The following LRRC4C variants were observed in gnomAD, a reference collection of about 807,000 sequenced individuals.
LRRC4C encodes the protein leucine rich repeat containing 4C, also known as leucine-rich repeat-containing protein 4C.
LRRC4C carries 5 observed loss-of-function variants against 33.6 expected under a neutral mutation model. That is an observed-to-expected ratio of 0.15 (90% CI 0.08 to 0.31). The LOEUF is 0.31. Among genes scored for constraint, LRRC4C ranks in the 10% least tolerant of loss-of-function variants. The pLI is 1.00. For missense variants in LRRC4C, 560 were observed against 796.7 expected (o/e 0.70, Z 3.58); for synonymous variants, 329 against 302.0 (o/e 1.09, Z -0.93).
intron 1 of LRRC4C, among the ~76,000 whole-genome samples, chr11:41,160,812 A>G (rs1386774991): frequency 6.6e-6 from 1 of 152,204 alleles, no homozygotes; most frequent in African/African-American, 2.4e-5. Context: ...ATGAAAACCC[A>G]GAGAAGGAAA....
At chr11:40,404,973 T>C (rs141634581) in intron 3 of LRRC4C, among the ~76,000 whole-genome samples, 8 of 152,128 alleles carry the variant, frequency 5.3e-5, no homozygotes, top group African/African-American at 7.2e-5. Context: ...AAGCCACCCA[T>C]TTAGCAAAAA....
intron 3 of LRRC4C, among the ~76,000 whole-genome samples, chr11:40,448,017 A>T (rs1045587828): frequency 6.6e-6 from 1 of 151,998 alleles, no homozygotes; most frequent in Non-Finnish European, 1.5e-5. Context: ...GGGTTTCACC[A>T]TGTTGGCCAA....
At chr11:41,184,245 C>A (rs1324134879) in intron 1 of LRRC4C, among the ~76,000 whole-genome samples, 1 of 150,928 alleles carries the variant, frequency 6.6e-6, no homozygotes, top group African/African-American at 2.5e-5. Flanking sequence ...AATTTCTCTT[C>A]AGAAAATGCG....
At chr11:40,238,923 C>A (rs560431997) in intron 5 of LRRC4C, among the ~76,000 whole-genome samples, 4 of 152,226 alleles carry the variant, frequency 2.6e-5, no homozygotes, top group African/African-American at 7.2e-5. Context: ...AAAAACACTG[C>A]CTTAAAATGT....
chr11:41,240,968 C>T (rs1217358910), intron 1 of LRRC4C, among the ~76,000 whole-genome samples: 1 of 152,164 alleles, frequency 6.6e-6, no homozygotes, highest in Admixed American at 6.5e-5. Context: ...CACCATTTTA[C>T]TGTGGAAAGA....
chr11:40,433,643 G>C (rs959411095), intron 3 of LRRC4C, among the ~76,000 whole-genome samples: 1 of 152,196 alleles, frequency 6.6e-6, no homozygotes, highest in Admixed American at 6.5e-5. Context: ...TATACTGCAG[G>C]AGAGAGAACA....
chr11:41,006,889 C>A (rs1449113113), intron 1 of LRRC4C, among the ~76,000 whole-genome samples: 5 of 152,044 alleles, frequency 3.3e-5, no homozygotes, highest in Non-Finnish European at 5.9e-5. Flanking sequence ...TCATAGATTT[C>A]TTCTTAAAGA....
chr11:41,233,766 CTA>C (rs1947904009), intron 1 of LRRC4C, among the ~76,000 whole-genome samples: 1 of 151,944 alleles, frequency 6.6e-6, no homozygotes, highest in Non-Finnish European at 1.5e-5. Flanking sequence ...TCATATATTT[CTA>C]TGACTTTTTC....
chr11:41,402,447 A>T (rs1030779868), intron 1 of LRRC4C, among the ~76,000 whole-genome samples: 1 of 152,092 alleles, frequency 6.6e-6, no homozygotes, highest in African/African-American at 2.4e-5. Flanking sequence ...GTCCATTGAT[A>T]AAAGTATTCC....
In LRRC4C at chr11:40,538,681, G is replaced by C. The variant is rs72883494; in HGVS notation, c.-270+109461C>G. On this transcript the variant is annotated intron_variant, in intron 3 of 6. Coordinates refer to ENST00000528697, the MANE Select transcript of LRRC4C (RefSeq NM_001258419.2). ...ATAGCTGGGTCAAATAGTATTTCTA[G>C]TTACTCTAGTATTTCTAGATCCTTG... 3.5e-3 allele frequency among the ~76,000 whole-genome samples: 540 copies of C among 152,208 alleles called. 2 individuals carry two copies. Among genetic ancestry groups the C allele is most frequent in the Non-Finnish European group, 6.0e-3 (406 of 68,002 alleles).
rs1435212533 is a variant in LRRC4C, at chr11:40,696,300, G to GA, written c.-406-48023_-406-48022insT. Among the ~76,000 whole-genome samples, 542 of 91,936 alleles carry GA rather than the reference G, an allele frequency of 5.9e-3. 8 individuals carry two copies. The highest frequency in any genetic ancestry group is 0.045 in the African/African-American group (519 of 11,440). The allele number at this position is 91,936 out of a possible 152,430, so 60.3% of individuals were successfully genotyped here. ...ATGCCACATATATATATATATATAT[G>GA]GTATATATATATGTGGTATATATAT... On this transcript the variant is annotated intron_variant, in intron 2 of 6. Coordinates refer to ENST00000528697, the MANE Select transcript of LRRC4C (RefSeq NM_001258419.2).
chr11:40,781,524 C>A (rs1283567284), intron 2 of LRRC4C, among the ~76,000 whole-genome samples: 1 of 152,076 alleles, frequency 6.6e-6, no homozygotes, highest in African/African-American at 2.4e-5. Flanking sequence ...GGAAGCTTTC[C>A]AAATACTATG....
intron 2 of LRRC4C, among the ~76,000 whole-genome samples, chr11:40,719,423 T>C (rs901221969): frequency 1.3e-5 from 2 of 152,136 alleles, no homozygotes; most frequent in African/African-American, 2.4e-5. Flanking sequence ...AAAATTACTA[T>C]TTTTCCAAGC....
intron 1 of LRRC4C, among the ~76,000 whole-genome samples, chr11:41,406,108 A>C (rs552647513): frequency 1.7e-3 from 260 of 152,256 alleles, no homozygotes; most frequent in South Asian, 2.9e-3. Context: ...ACAGAGAGAC[A>C]GACTTATGAG....
chr11:40,272,092 A>T (rs1942749518), intron 4 of LRRC4C, among the ~76,000 whole-genome samples: 1 of 152,190 alleles, frequency 6.6e-6, no homozygotes, highest in Admixed American at 6.6e-5. Flanking sequence ...ATACGGATGT[A>T]TTCAGAAGTT....
intron 1 of LRRC4C, among the ~76,000 whole-genome samples, chr11:41,082,871 T>C (rs998538225): frequency 3.3e-5 from 5 of 152,152 alleles, no homozygotes; most frequent in African/African-American, 1.2e-4. Flanking sequence ...TCTCAAAAAA[T>C]AGCTAGGTTA....
chr11:41,076,738 C>A (rs1321802320), intron 1 of LRRC4C, among the ~76,000 whole-genome samples: 2 of 152,154 alleles, frequency 1.3e-5, no homozygotes, highest in South Asian at 2.1e-4. Flanking sequence ...CATTTCAAAA[C>A]CAATCATGCC....
chr11:41,097,211 C>A (rs1940864951), intron 1 of LRRC4C, among the ~76,000 whole-genome samples: 1 of 152,070 alleles, frequency 6.6e-6, no homozygotes, highest in Admixed American at 6.6e-5. Flanking sequence ...CTACTACAAT[C>A]AACATATCAA....
chr11:40,203,836 T>A (rs1403645831), intron 5 of LRRC4C, among the ~76,000 whole-genome samples: 1 of 152,202 alleles, frequency 6.6e-6, no homozygotes, highest in African/African-American at 2.4e-5. Flanking sequence ...ATGAATGGAA[T>A]TCCTTGTGAG....
Sources: gnomAD v4.1 joint callset for allele counts (sites outside exome capture counted in the v4.1 genomes callset) on GRCh38, gnomAD v4.1.1 for gene constraint, MANE v1.5 for transcripts, NCBI Gene and HGNC (gene_info 2026-07-23, HGNC 2026-07-21) for gene names.